SPINK5: variants seen among roughly 807,000 people sequenced by gnomAD.
SPINK5 encodes the protein serine peptidase inhibitor Kazal type 5, also known as serine protease inhibitor Kazal-type 5.
In SPINK5, 125 loss-of-function variants were observed where a neutral mutation model predicts 151.8. That is an observed-to-expected ratio of 0.82 (90% CI 0.71 to 0.96). The LOEUF (loss-of-function observed/expected upper bound fraction) is 0.96, where lower values mean the gene tolerates loss of function less well. Among genes scored for constraint, SPINK5 ranks in the 40% least tolerant of loss-of-function variants. The probability of loss-of-function intolerance (pLI) is 0.00; values close to 1 mark genes in which losing one functional copy is unlikely to be tolerated. For missense variants in SPINK5, 1,194 were observed against 1,291.9 expected, an observed-to-expected ratio of 0.92 and a Z score of 1.16; for synonymous variants, 374 against 395.3, an observed-to-expected ratio of 0.95 and a Z score of 0.64.
rs757007605 is a variant in SPINK5 at position 148,116,391 on chromosome 5, A to C, written c.2037A>C (p.Arg679Ser). The change falls in exon 22 of 33, where the codon AGA becomes AGC. Residue 679 changes from arginine (R) to serine (S), a missense_variant. Coordinates refer to ENST00000256084, the MANE Select transcript of SPINK5 (RefSeq NM_006846.4). The stretch of plus-strand genomic sequence containing the variant: ...CCAGCCAGAAAGAAAATGAGGAAAG[A>C]AAGAGGAAAGAAGAGGAAGATCAGA... ...KAVFQKENEE[R>S]KRKEEEDQRN... 1 of 1,614,146 alleles carries C rather than the reference A, an allele frequency of 6.2e-7. No homozygotes were observed. Among genetic ancestry groups the C allele is most frequent in the Non-Finnish European group, 8.5e-7 (1 of 1,179,986 alleles).
At chr5:148,124,261 A>G (rs1038132076) in intron 27 of SPINK5, among the ~76,000 whole-genome samples, 3 of 152,236 alleles carry the variant, frequency 2.0e-5, no homozygotes, top group Admixed American at 6.5e-5. Context: ...TGACTGAACA[A>G]TATAGTTTTG....
chr5:148,099,131 G>A, intron 11 of SPINK5, 103 bp from the exon 12 acceptor site: 3 of 1,049,910 alleles, frequency 2.9e-6, no homozygotes, highest in South Asian at 2.8e-5. Flanking sequence ...GGACAAAATT[G>A]TTCCACTCTA....
At chr5:148,110,165 C>A (rs59220312) in intron 18 of SPINK5, among the ~76,000 whole-genome samples, 5 of 151,984 alleles carry the variant, frequency 3.3e-5, no homozygotes, top group African/African-American at 1.2e-4. Context: ...ATTATTATTA[C>A]GTATATTATT....
Position 148,091,186 on chromosome 5 carries a change from C to T in SPINK5, c.624C>T (p.Ala208=). The part of the protein sequence containing the change: ...AELFLKEAEN[A]KREGETRIRR... ...ACAGTTTAAAAGAAGCTGAAAATGC[C>T]AAGCGAGAGGGTGAAACTAGAATTC... is the stretch of plus-strand genomic sequence containing the variant. Residue 208 remains alanine, a synonymous_variant, in exon 8 of 33, where the codon GCC becomes GCT. Coordinates refer to ENST00000256084, the MANE Select transcript of SPINK5 (RefSeq NM_006846.4). 6.2e-7 allele frequency: 1 copy of T among 1,611,362 alleles called. No homozygotes were observed. The highest frequency in any genetic ancestry group is 1.7e-5 in the Admixed American group (1 of 59,742).
chr5:148,069,467 CAG>C (rs1169348549), intron 2 of SPINK5, among the ~76,000 whole-genome samples: 2 of 147,462 alleles, frequency 1.4e-5, no homozygotes, highest in African/African-American at 5.0e-5. Context: ...AAAAAATTAC[CAG>C]AGAGAGAGAG....
chr5:148,132,606 A>AAGTT, intron 31 of SPINK5, among the ~76,000 whole-genome samples: 1 of 152,132 alleles, frequency 6.6e-6, no homozygotes, highest in Non-Finnish European at 1.5e-5. Context: ...AATTTGTTTA[A>AAGTT]AGTTACAAAG....
chr5:148,081,189 C>A (rs1261698391), intron 4 of SPINK5, among the ~76,000 whole-genome samples: 1 of 151,462 alleles, frequency 6.6e-6, no homozygotes, highest in Non-Finnish European at 1.5e-5. Context: ...AAGGTTACAG[C>A]CATATTGGAA....
chr5:148,120,274 G>A (rs545241036), intron 25 of SPINK5, 21 bp from the exon 26 acceptor site: 2 of 1,604,704 alleles, frequency 1.2e-6, no homozygotes, highest in East Asian at 4.5e-5. Flanking sequence ...TGATTGAAAT[G>A]TTTCATTGTT....
Position 148,069,495 on chromosome 5 carries a change from GAGAGAAAGC to G in SPINK5, c.82-827_82-819del, listed in dbSNP as rs1174207888. Among the ~76,000 whole-genome samples the G allele has an allele frequency of 6.7e-3, 1,020 of 152,014 alleles. 18 individuals carry two copies. Among genetic ancestry groups the G allele is most frequent in the African/African-American group, 0.024 (980 of 41,482 alleles). On this transcript the variant is annotated intron_variant, in intron 2 of 32. Transcript: ENST00000256084. ...AGAGAGAGAGAAAGAGAGAGAAAGA[GAGAGAAAGC>G]CTTATGCAATTATTGAGAAATTTCC...
intron 2 of SPINK5, among the ~76,000 whole-genome samples, chr5:148,067,916 A>T (rs1013059547): frequency 1.3e-5 from 2 of 152,122 alleles, no homozygotes; most frequent in African/African-American, 4.8e-5. Flanking sequence ...ACCTGGCCTG[A>T]TGCTACTCTT....
chr5:148,105,816 G>T (rs1293683544), intron 16 of SPINK5, among the ~76,000 whole-genome samples: 1 of 146,682 alleles, frequency 6.8e-6, no homozygotes, highest in Admixed American at 6.8e-5. Context: ...TAGAAATGGG[G>T]TTTCACCATG....
At chr5:148,100,369 T>G in intron 12 of SPINK5, 85 bp from the exon 13 acceptor site, 1 of 1,383,574 alleles carries the variant, frequency 7.2e-7, no homozygotes, top group Non-Finnish European at 1.0e-6. Flanking sequence ...GATGTAACAT[T>G]AGTTTCTGCC....
intron 30 of SPINK5, among the ~76,000 whole-genome samples, chr5:148,130,906 C>T (rs1271247800): frequency 6.6e-6 from 1 of 152,118 alleles, no homozygotes; most frequent in Non-Finnish European, 1.5e-5. Flanking sequence ...CTGTATATAA[C>T]CAATACCTTC....
At chr5:148,110,137 CA>C (rs1411246586) in intron 18 of SPINK5, among the ~76,000 whole-genome samples, 1 of 152,170 alleles carries the variant, frequency 6.6e-6, no homozygotes, top group Non-Finnish European at 1.5e-5. Context: ...TTAGCTTTCT[CA>C]CTTATAAGAT....
rs151040035 is a variant in SPINK5 at position 148,135,352 on chromosome 5, C to T, written c.3186+1465C>T. On this transcript the variant is annotated intron_variant, in intron 32 of 32. Transcript: ENST00000256084. ...ATAGACCACACCTTAGACCACACTT[C>T]CCTGTAACTCTCATCCTGTGTAGGC... Among the ~76,000 whole-genome samples the T allele has an allele frequency of 1.2e-3, 182 of 152,274 alleles. 3 individuals are homozygous for T. In the East Asian group the frequency reaches 0.031, roughly 26 times the overall value.
chr5:148,101,788 G>A lies in SPINK5; in HGVS notation c.1310G>A (p.Cys437Tyr), dbSNP rs1219386741. 8 of 1,613,588 alleles carry A rather than the reference G, an allele frequency of 5.0e-6. No individual in the cohort carries two copies. Among genetic ancestry groups the A allele is most frequent in the Non-Finnish European group, 6.8e-6 (8 of 1,179,734 alleles). The change falls in exon 15 of 33, where the codon TGT becomes TAT. Residue 437 changes from cysteine (C) to tyrosine (Y), a missense_variant. Physicochemically the swap from Cys to Tyr is radical, Grantham distance 194 (BLOSUM62 -2). Coordinates refer to ENST00000256084, the MANE Select transcript of SPINK5 (RefSeq NM_006846.4). ...CCTGCCTCAATTTCACAGGAGTTGT[G>A]TAGTGAATACCGCAAATCCAGGAAA... ...SKSTASFEELCSEYRKSRKNG... is the reference protein window; with the variant it reads ...SKSTASFEELYSEYRKSRKNG...
At chr5:148,105,366 A>G (rs566381360) in intron 16 of SPINK5, among the ~76,000 whole-genome samples, 45 of 152,300 alleles carry the variant, frequency 3.0e-4, no homozygotes, top group South Asian at 1.2e-3. Flanking sequence ...TAAGATCTCA[A>G]TCATTCCAAT....
chr5:148,124,750 T>A lies in SPINK5; in HGVS notation c.2667-15T>A. 1 of 1,551,896 alleles carries A rather than the reference T, an allele frequency of 6.4e-7. No homozygotes were observed. The highest frequency in any genetic ancestry group is 1.4e-5 in the African/African-American group (1 of 72,322). On this transcript the variant is annotated splice_polypyrimidine_tract_variant and intron_variant, in intron 27 of 32. Coordinates refer to ENST00000256084, the MANE Select transcript of SPINK5 (RefSeq NM_006846.4). Reference sequence around the variant, plus strand: ...TTGAAAAATTACCCTATCTTTTTTTTTAATTATTCTGCAGTGATCGAGAAG... The same window carrying A: ...TTGAAAAATTACCCTATCTTTTTTTATAATTATTCTGCAGTGATCGAGAAG...
chr5:148,099,626 A>G (rs1425355878), intron 12 of SPINK5, among the ~76,000 whole-genome samples: 1 of 152,100 alleles, frequency 6.6e-6, no homozygotes, highest in Non-Finnish European at 1.5e-5. Context: ...TGCTTTCTAC[A>G]TATGAGTTTC....
Sources: allele counts gnomAD v4.1 joint callset (sites outside exome capture counted in the v4.1 genomes callset), GRCh38; gene constraint gnomAD v4.1.1; transcripts MANE v1.5; gene names NCBI Gene and HGNC (gene_info 2026-07-23, HGNC 2026-07-21).